MSRB1: variants seen among roughly 807,000 people sequenced by gnomAD.
MSRB1 encodes the protein methionine-R-sulfoxide reductase B1.
In MSRB1, 13 loss-of-function variants were observed where a neutral mutation model predicts 15.2. The ratio of observed to expected loss-of-function variants is 0.86; its 90% CI spans 0.56 to 1.36. MSRB1 has a LOEUF of 1.36. Ranked by LOEUF, MSRB1 falls within the 40% of genes most tolerant of loss-of-function variation. The probability of loss-of-function intolerance (pLI) is 0.00; values close to 1 mark genes in which losing one functional copy is unlikely to be tolerated. For synonymous variants in MSRB1, 68 were observed against 64.5 expected, an observed-to-expected ratio of 1.05 and a Z score of -0.26; for missense variants, 174 against 155.9, an observed-to-expected ratio of 1.12 and a Z score of -0.62.
chr16:1,941,510 G>A (rs1228893794), intron 1 of MSRB1, 105 bp from the exon 2 acceptor site: 4 of 1,443,332 alleles, frequency 2.8e-6, no homozygotes, highest in African/African-American at 1.4e-5. Context: ...CCCCCGTTCC[G>A]AGGGTAGGCT....
chr16:1,943,027 C>T (rs2083089867), intron 1 of MSRB1, 75 bp downstream of exon 1: 2 of 1,536,922 alleles, frequency 1.3e-6, no homozygotes, highest in Non-Finnish European at 8.8e-7. Context: ...ACATCACCCC[C>T]GGACGACGGC....
intron 1 of MSRB1, among the ~76,000 whole-genome samples, chr16:1,942,354 C>T (rs2083082905): frequency 6.6e-6 from 1 of 152,250 alleles, no homozygotes; most frequent in Admixed American, 6.5e-5. Flanking sequence ...GACCAGTGCA[C>T]TCAGACTTGC....
chr16:1,940,958 C>T, intron 2 of MSRB1, 66 bp from the exon 3 acceptor site: 1 of 1,606,080 alleles, frequency 6.2e-7, no homozygotes, highest in African/African-American at 1.3e-5. Flanking sequence ...AAGGCCCTTA[C>T]TGGGGCTGGC....
Position 1,943,101 on chromosome 16 carries a change from C to T in MSRB1, c.55+1G>A. ...TCCCAGCGAGAGGCCGCAGGACCAACCAGGTTCAAAGTGATTCTGGAAAAC... is the reference window on the plus strand; with the variant it reads ...TCCCAGCGAGAGGCCGCAGGACCAATCAGGTTCAAAGTGATTCTGGAAAAC... On this transcript the variant is annotated splice_donor_variant, in intron 1 of 3. Coordinates refer to ENST00000361871, the MANE Select transcript of MSRB1 (RefSeq NM_016332.4). LOFTEE classifies it high-confidence loss of function. 1 of 1,557,976 alleles carries T rather than the reference C, an allele frequency of 6.4e-7. No individual in the cohort carries two copies. The highest frequency in any genetic ancestry group is 8.7e-7 in the Non-Finnish European group (1 of 1,151,038).
chr16:1,941,231 C>T, intron 2 of MSRB1, 26 bp downstream of exon 2: 1 of 1,613,436 alleles, frequency 6.2e-7, no homozygotes, highest in Non-Finnish European at 8.5e-7. Flanking sequence ...CGCCCCCGTC[C>T]CTCCCCCACC....
At chr16:1,940,599 C>A (rs894621528) in intron 3 of MSRB1, among the ~76,000 whole-genome samples, 179 bp downstream of exon 3, 5 of 152,264 alleles carry the variant, frequency 3.3e-5, no homozygotes, top group African/African-American at 1.2e-4. Context: ...AAGCGGAACA[C>A]CAGCTCCTTT....
chr16:1,940,639 G>A (rs2083070469), intron 3 of MSRB1, 139 bp downstream of exon 3: 1 of 1,085,268 alleles, frequency 9.2e-7, no homozygotes, highest in Middle Eastern at 3.1e-4. Context: ...CTTTCTGGGG[G>A]ATCCTGGACA....
At chr16:1,941,637 C>T (rs563460274) in intron 1 of MSRB1, 2 of 595,038 alleles carry the variant, frequency 3.4e-6, no homozygotes, top group South Asian at 2.1e-5. Flanking sequence ...CTTCTCATAG[C>T]CCCGTGACGG....
rs141280253 is a variant in MSRB1 at position 1,940,747 on chromosome 16, G to A, written c.319+31C>T. On this transcript the variant is annotated intron_variant, in intron 3 of 3. Transcript: ENST00000361871. ...CCAGCCTGGGCTCAAAGGCCAACAG[G>A]CCTGGCCCCAGCTGTGCAAAGCAAG... 1.5e-4 allele frequency: 235 copies of A among 1,595,794 alleles called. 1 individual carries two copies. The East Asian group carries it at 5.2e-3, about 35-fold the overall frequency.
At chr16:1,942,684 G>C (rs2083085969) in intron 1 of MSRB1, among the ~76,000 whole-genome samples, 1 of 152,258 alleles carries the variant, frequency 6.6e-6, no homozygotes, top group Admixed American at 6.5e-5. Flanking sequence ...GACCCGCGAA[G>C]GGGCGCCCCG....
chr16:1,943,090 C>T lies in MSRB1; in HGVS notation c.55+12G>A, dbSNP rs540417167. The T allele has an allele frequency of 4.9e-5, 76 of 1,555,184 alleles. 1 individual carries two copies. In the African/African-American group the frequency reaches 8.0e-4, roughly 16 times the overall value. ...CCGCGCTGCCCTCCCAGCGAGAGGC[C>T]GCAGGACCAACCAGGTTCAAAGTGA... On this transcript the variant is annotated intron_variant, in intron 1 of 3. Transcript: ENST00000361871.
chr16:1,942,264 TG>T (rs1478756941), intron 1 of MSRB1, among the ~76,000 whole-genome samples: 2 of 152,228 alleles, frequency 1.3e-5, no homozygotes, highest in Non-Finnish European at 2.9e-5. Context: ...AGAGTCTTGC[TG>T]GGGGAGGCTT....
intron 1 of MSRB1, 55 bp downstream of exon 1, chr16:1,943,047 G>A (rs2083090234): frequency 1.3e-6 from 2 of 1,544,242 alleles, no homozygotes; most frequent in Non-Finnish European, 8.7e-7. Flanking sequence ...CGGCGCCCCC[G>A]CTAATGCGCG....
chr16:1,942,264 T>C (rs919008148), intron 1 of MSRB1, among the ~76,000 whole-genome samples: 2 of 152,228 alleles, frequency 1.3e-5, no homozygotes, highest in Non-Finnish European at 2.9e-5. Flanking sequence ...AGAGTCTTGC[T>C]GGGGGAGGCT....
In MSRB1 at chr16:1,941,245, G is replaced by A. The variant is rs1273433333; in HGVS notation, c.204+12C>T. 2.5e-6 allele frequency: 4 copies of A among 1,613,116 alleles called. No homozygotes were observed. The Admixed American group carries it at 6.7e-5, about 27-fold the overall frequency. ...CCGCCCCCGTCCCTCCCCCACCCCT[G>A]TGGCCTCTCACCTTCAAGGCTTCAG... On this transcript the variant is annotated intron_variant, in intron 2 of 3. Transcript: ENST00000361871.
intron 1 of MSRB1, 107 bp downstream of exon 1, chr16:1,942,995 C>T (rs1026201120): frequency 1.7e-4 from 244 of 1,450,612 alleles, no homozygotes; most frequent in Non-Finnish European, 2.1e-4. Context: ...CCACATTCGC[C>T]CCCATTCCCG....
rs368506314 is a variant in MSRB1, at chr16:1,941,238, C to T, written c.204+19G>A. On this transcript the variant is annotated intron_variant, in intron 2 of 3. Coordinates refer to ENST00000361871, the MANE Select transcript of MSRB1 (RefSeq NM_016332.4). ...TCCCTGGCCGCCCCCGTCCCTCCCC[C>T]ACCCCTGTGGCCTCTCACCTTCAAG... The T allele has an allele frequency of 2.9e-5, 47 of 1,613,588 alleles. No individual in the cohort carries two copies. The highest frequency in any genetic ancestry group is 2.7e-4 in the East Asian group (12 of 44,862).
At chr16:1,939,170 G>C in intron 3 of MSRB1, 27 bp from the exon 4 acceptor site, 1 of 1,596,180 alleles carries the variant, frequency 6.3e-7, no homozygotes, top group Admixed American at 1.8e-5. Flanking sequence ...GGGGCGGAAA[G>C]TATGCGGGGA....
intron 1 of MSRB1, 79 bp from the exon 2 acceptor site, chr16:1,941,484 G>A: frequency 1.3e-6 from 2 of 1,494,398 alleles, no homozygotes; most frequent in Non-Finnish European, 1.8e-6. Flanking sequence ...CACCAACCCA[G>A]GCAAAGACAG....
Sources: allele counts gnomAD v4.1 joint callset (sites outside exome capture counted in the v4.1 genomes callset), GRCh38; gene constraint gnomAD v4.1.1; transcripts MANE v1.5; gene names NCBI Gene and HGNC (gene_info 2026-07-23, HGNC 2026-07-21).